Variants in NAV2 observed in about 807,000 individuals in gnomAD.
The protein encoded by NAV2 is neuron navigator 2, also known as helicase, APC down-regulated 1.
NAV2 carries 54 observed loss-of-function variants against 223.2 expected under a neutral mutation model. The ratio of observed to expected loss-of-function variants is 0.24; its 90% CI spans 0.19 to 0.30. The LOEUF (loss-of-function observed/expected upper bound fraction) is 0.30. Among genes scored for constraint, NAV2 ranks in the 10% least tolerant of loss-of-function variants. NAV2 has a pLI of 1.00. For synonymous variants in NAV2, 1,279 were observed against 1,239.3 expected, an observed-to-expected ratio of 1.03 and a Z score of -0.67; for missense variants, 2,806 against 3,147.5, an observed-to-expected ratio of 0.89 and a Z score of 2.60.
intron 36 of NAV2, among the ~76,000 whole-genome samples, chr11:20,112,661 A>C (rs1007065665): frequency 3.3e-5 from 5 of 152,180 alleles, no homozygotes; most frequent in African/African-American, 9.6e-5. Context: ...CACATGACTC[A>C]GAGTTGTTCA....
At chr11:20,103,800 G>T (rs533774792) in intron 34 of NAV2, 76 bp downstream of exon 34, 10 of 1,295,608 alleles carry the variant, frequency 7.7e-6, no homozygotes, top group Non-Finnish European at 1.0e-5. Flanking sequence ...GGGTAGAGAT[G>T]CCTGTGTTGA....
chr11:19,781,214 T>G lies in NAV2; in HGVS notation c.268-51270T>G, dbSNP rs988433887. Among the ~76,000 whole-genome samples the G allele has an allele frequency of 9.8e-5, 15 of 152,326 alleles. No homozygotes were observed. In the East Asian group the frequency reaches 1.4e-3, roughly 14 times the overall value. Reference sequence around the variant, plus strand: ...TTGTCTGATGGCAAAGGCTGTACCTTGAACTGCTGTATCAGACACCCTGGA... The same window carrying G: ...TTGTCTGATGGCAAAGGCTGTACCTGGAACTGCTGTATCAGACACCCTGGA... On this transcript the variant is annotated intron_variant, in intron 1 of 37. Coordinates refer to ENST00000349880, the MANE Select transcript of NAV2 (RefSeq NM_145117.5).
At chr11:19,746,563 T>C (rs1007082812) in intron 1 of NAV2, among the ~76,000 whole-genome samples, 4 of 152,202 alleles carry the variant, frequency 2.6e-5, no homozygotes, top group Admixed American at 1.3e-4. Flanking sequence ...GGAAGGAGGA[T>C]TGATCAAAAG....
Position 20,048,766 on chromosome 11 carries a change from C to T in NAV2, c.3941C>T (p.Ala1314Val). 1 of 1,614,180 alleles carries T rather than the reference C, an allele frequency of 6.2e-7. No individual in the cohort carries two copies. The highest frequency in any genetic ancestry group is 8.5e-7 in the Non-Finnish European group (1 of 1,180,036). ...GGKPTKQVPI[A>V]TAENMKNSVV... ...AAGCCTACCAAGCAAGTGCCCATCGCCACAGCTGAAAACATGAAAAATTCG... is the reference window on the plus strand; with the variant it reads ...AAGCCTACCAAGCAAGTGCCCATCGTCACAGCTGAAAACATGAAAAATTCG... The change falls in exon 15 of 38, where the codon GCC becomes GTC. Residue 1314 changes from alanine (A) to valine (V), a missense_variant. By Grantham distance (64) the Ala-to-Val change is moderately conservative. This residue lies in a region of NAV2 where 742 missense variants were observed against 777.9 expected (regional missense o/e 0.95). Coordinates refer to ENST00000349880, the MANE Select transcript of NAV2 (RefSeq NM_145117.5).
intron 22 of NAV2, among the ~76,000 whole-genome samples, chr11:20,071,598 A>G (rs1362860959): frequency 1.3e-4 from 19 of 151,612 alleles, no homozygotes; most frequent in African/African-American, 4.1e-4. Flanking sequence ...AAGTGTTCCT[A>G]TTTCTCCACA....
intron 8 of NAV2, among the ~76,000 whole-genome samples, chr11:19,943,936 G>A (rs955561780): frequency 3.0e-5 from 4 of 133,654 alleles, no homozygotes; most frequent in South Asian, 2.6e-4. Context: ...GGTGGCTCAC[G>A]CCTGTAATCC....
chr11:19,735,951 A>G (rs1417284727), intron 1 of NAV2, among the ~76,000 whole-genome samples: 1 of 152,214 alleles, frequency 6.6e-6, no homozygotes, highest in African/African-American at 2.4e-5. Flanking sequence ...CCATCTGCCC[A>G]GTATGGGGGC....
At chr11:20,086,518 A>T (rs950723807) in intron 26 of NAV2, among the ~76,000 whole-genome samples, 6 of 151,814 alleles carry the variant, frequency 4.0e-5, no homozygotes, top group Admixed American at 3.9e-4. Flanking sequence ...TCCCCATTGC[A>T]CATGTTGCCC....
Position 19,868,939 on chromosome 11 carries a change from T to G in NAV2, c.453T>G (p.Asp151Glu), listed in dbSNP as rs774789573. The G allele has an allele frequency of 6.2e-7, 1 of 1,613,964 alleles. No individual in the cohort carries two copies. Among genetic ancestry groups the G allele is most frequent in the Non-Finnish European group, 8.5e-7 (1 of 1,179,902 alleles). The change falls in exon 4 of 38, where the codon GAT (aspartate) becomes GAG (glutamate). Residue 151 changes from aspartate (D) to glutamate (E), a missense_variant. Around this residue, in one of 4 missense-constraint regions of NAV2, gnomAD observed 1,167 missense variants for 1,180.5 expected, o/e 0.99. Coordinates refer to ENST00000349880, the MANE Select transcript of NAV2 (RefSeq NM_145117.5). ...KNRSQMIENIDACLNFLAAKG... is the reference protein window; with the variant it reads ...KNRSQMIENIEACLNFLAAKG... Reference sequence around the variant, plus strand: ...TTCCCTCCTAGATTGAAAACATAGATGCCTGCTTGAATTTCCTGGCAGCTA... The same window carrying G: ...TTCCCTCCTAGATTGAAAACATAGAGGCCTGCTTGAATTTCCTGGCAGCTA...
At chr11:19,584,033 G>C (rs1254450856) in intron 1 of NAV2, among the ~76,000 whole-genome samples, 1 of 152,088 alleles carries the variant, frequency 6.6e-6, no homozygotes. Context: ...TGGTAAGCTA[G>C]TAATTATTGC....
In NAV2 at chr11:20,119,676, GC is replaced by G. The variant is rs1249564483; in HGVS notation, c.*1420del. 2 of 152,494 alleles carry G rather than the reference GC, an allele frequency of 1.3e-5. No homozygotes were observed. The highest frequency in any genetic ancestry group is 2.9e-5 in the Non-Finnish European group (2 of 68,052). The allele number at this position is 152,494 out of a possible 1,614,324, so 9.4% of individuals were successfully genotyped here. ...TTCATTTTACATAAGTGTCGTGCCT[GC>G]CTGGGGTTTGTTTTTTTTGTCATTG... On this transcript the variant is annotated 3_prime_UTR_variant, in exon 38 of 38. Coordinates refer to ENST00000349880, the MANE Select transcript of NAV2 (RefSeq NM_145117.5).
chr11:19,368,527 A>G (rs1027594137), intron 1 of NAV2, among the ~76,000 whole-genome samples: 21 of 152,208 alleles, frequency 1.4e-4, no homozygotes, highest in Non-Finnish European at 8.8e-5. Context: ...TCTCATCTGT[A>G]TGATGAGGCT....
At chr11:19,865,897 G>A (rs1226483449) in intron 3 of NAV2, among the ~76,000 whole-genome samples, 2 of 152,194 alleles carry the variant, frequency 1.3e-5, no homozygotes, top group African/African-American at 2.4e-5. Context: ...GAATCAAGGT[G>A]TGTGTTGAAT....
intron 1 of NAV2, among the ~76,000 whole-genome samples, chr11:19,354,768 G>A (rs1216891005): frequency 6.6e-6 from 1 of 152,202 alleles, no homozygotes; most frequent in East Asian, 1.9e-4. Context: ...ATAAGGGGAT[G>A]TCTCCCTGAG....
intron 1 of NAV2, among the ~76,000 whole-genome samples, chr11:19,742,047 G>A (rs1299515753): frequency 1.3e-5 from 2 of 152,118 alleles, no homozygotes; most frequent in Non-Finnish European, 2.9e-5. Context: ...ATCCTAACAG[G>A]TGTAAGGTAA....
chr11:19,995,430 C>T, intron 11 of NAV2, among the ~76,000 whole-genome samples: 1 of 152,194 alleles, frequency 6.6e-6, no homozygotes, highest in Non-Finnish European at 1.5e-5. Context: ...AGCTGGCATG[C>T]CGTGGGGCCC....
At chr11:19,577,394 C>T (rs938781573) in intron 1 of NAV2, among the ~76,000 whole-genome samples, 1 of 152,226 alleles carries the variant, frequency 6.6e-6, no homozygotes, top group African/African-American at 2.4e-5. Flanking sequence ...GGGTGAAATA[C>T]CACAAGGGTA....
At chr11:20,067,741 C>G (rs2059141649) in intron 20 of NAV2, among the ~76,000 whole-genome samples, 1 of 151,560 alleles carries the variant, frequency 6.6e-6, no homozygotes, top group South Asian at 2.1e-4. Flanking sequence ...CCACCAACCT[C>G]AGCCTCCCAA....
chr11:19,817,807 T>C (rs116829547), intron 1 of NAV2, among the ~76,000 whole-genome samples: 2,024 of 152,318 alleles, frequency 0.013, 54 homozygotes, highest in African/African-American at 0.046. Context: ...TCCAGCTCAC[T>C]TGCTCCTGTC....
Sources: gnomAD v4.1 joint callset for allele counts (sites outside exome capture counted in the v4.1 genomes callset) on GRCh38, gnomAD v4.1.1 for gene constraint, gnomAD v4.1.1 regional missense constraint, MANE v1.5 for transcripts, NCBI Gene and HGNC (gene_info 2026-07-23, HGNC 2026-07-21) for gene names.